RYR2: variants seen among roughly 807,000 people sequenced by gnomAD.
RYR2 encodes the protein ryanodine receptor 2, also known as cardiac muscle ryanodine receptor-calcium release channel.
In RYR2, 227 loss-of-function variants were observed where a neutral mutation model predicts 601.1. The ratio of observed to expected loss-of-function variants is 0.38; its 90% CI spans 0.34 to 0.42. RYR2 has a LOEUF of 0.42. RYR2 is among the 10% of genes least tolerant of loss of function. The probability of loss-of-function intolerance (pLI) is 1.00; values close to 1 mark genes in which losing one functional copy is unlikely to be tolerated. For missense variants in RYR2, 4,646 were observed against 6,156.5 expected, an observed-to-expected ratio of 0.75 and a Z score of 8.21; for synonymous variants, 2,223 against 2,175.1, an observed-to-expected ratio of 1.02 and a Z score of -0.61.
At chr1:237,315,586 A>C (rs933871198) in intron 2 of RYR2, among the ~76,000 whole-genome samples, 2 of 152,216 alleles carry the variant, frequency 1.3e-5, no homozygotes, top group African/African-American at 2.4e-5. Flanking sequence ...AACACATGCA[A>C]CAATGAAGAA....
chr1:237,216,324 A>C (rs576934814), intron 1 of RYR2, among the ~76,000 whole-genome samples: 1 of 152,362 alleles, frequency 6.6e-6, no homozygotes, highest in East Asian at 1.9e-4. Context: ...ATTGAGTTTG[A>C]AAACAAAATT....
Position 237,588,708 on chromosome 1 carries a change from C to T in RYR2, c.3599-1085C>T, listed in dbSNP as rs180869991. On this transcript the variant is annotated intron_variant, in intron 29 of 104. Coordinates refer to ENST00000366574, the MANE Select transcript of RYR2 (RefSeq NM_001035.3). ...ATTAGCCGGACGCAGTGGCGTGCACCTGTAGTCTCAGCTACTCGGGAGGCT... is the reference window on the plus strand; with the variant it reads ...ATTAGCCGGACGCAGTGGCGTGCACTTGTAGTCTCAGCTACTCGGGAGGCT... Among the ~76,000 whole-genome samples, 679 of 152,234 alleles carry T rather than the reference C, an allele frequency of 4.5e-3. 3 individuals are homozygous for T. The highest frequency in any genetic ancestry group is 0.015 in the African/African-American group (611 of 41,538).
intron 1 of RYR2, among the ~76,000 whole-genome samples, chr1:237,253,110 G>A (rs1166492527): frequency 6.7e-6 from 1 of 148,568 alleles, no homozygotes; most frequent in African/African-American, 2.5e-5. Flanking sequence ...ATTGCAGGGA[G>A]CTGAGATCGT....
chr1:237,166,824 CAG>C (rs1359104530), intron 1 of RYR2, among the ~76,000 whole-genome samples: 1 of 152,110 alleles, frequency 6.6e-6, no homozygotes, highest in Non-Finnish European at 1.5e-5. Context: ...ATAAAAACAT[CAG>C]AGTGAATTCA....
chr1:237,613,116 A>G (rs1352694843), intron 36 of RYR2, among the ~76,000 whole-genome samples: 1 of 152,240 alleles, frequency 6.6e-6, no homozygotes, highest in Non-Finnish European at 1.5e-5. Context: ...CAAAAAAGGA[A>G]GTCTTAACTA....
chr1:237,134,986 G>A (rs1346928312), intron 1 of RYR2, among the ~76,000 whole-genome samples: 5 of 152,064 alleles, frequency 3.3e-5, no homozygotes, highest in Admixed American at 1.3e-4. Flanking sequence ...AAATGGACAT[G>A]GAATAGAACC....
At chr1:237,451,611 A>G (rs908483574) in intron 14 of RYR2, among the ~76,000 whole-genome samples, 13 of 151,574 alleles carry the variant, frequency 8.6e-5, no homozygotes, top group African/African-American at 2.4e-4. Flanking sequence ...GAAGTCCTGA[A>G]TTTATATAAT....
chr1:237,769,157 T>A (rs550565714), intron 84 of RYR2, among the ~76,000 whole-genome samples: 392 of 152,172 alleles, frequency 2.6e-3, no homozygotes, highest in African/African-American at 8.3e-3. Flanking sequence ...GAAAAAAAAA[T>A]TGCAGATGGG....
rs74147211 is a variant in RYR2, at chr1:237,249,939, G to A, written c.49-20558G>A. ...AGAGAGAGTCAAAAGCAAGCAATGT[G>A]ATGAGGGTTGTGAAGCGTGGTCCCA... On this transcript the variant is annotated intron_variant, in intron 1 of 104. Transcript: ENST00000366574. Among the ~76,000 whole-genome samples, 529 of 152,280 alleles carry A rather than the reference G, an allele frequency of 3.5e-3. 2 individuals carry two copies. Among genetic ancestry groups the A allele is most frequent in the African/African-American group, 0.012 (505 of 41,562 alleles).
chr1:237,788,358 T>G (rs987363314), intron 92 of RYR2, among the ~76,000 whole-genome samples: 1 of 152,140 alleles, frequency 6.6e-6, no homozygotes, highest in Admixed American at 6.5e-5. Context: ...ATGTTCACAC[T>G]CCCTGAAACC....
At position 237,610,713 on chromosome 1, in the gene RYR2, C is replaced by A; in HGVS notation, c.4684-49C>A. The stretch of plus-strand genomic sequence containing the variant: ...GAATTCTAGTCATTACTTTGTGAAC[C>A]CCAAGGGATGTTCTACATTTATTCT... On this transcript the variant is annotated intron_variant, in intron 35 of 104. Transcript: ENST00000366574. The surrounding 1 kb of genome is among the most constrained non-coding windows in gnomAD (Gnocchi z 4.9). 2 of 1,455,352 alleles carry A rather than the reference C, an allele frequency of 1.4e-6. No individual in the cohort carries two copies. Among genetic ancestry groups the A allele is most frequent in the Non-Finnish European group, 1.9e-6 (2 of 1,067,704 alleles). 90.2% of individuals were successfully genotyped at this position (1,455,352 alleles called of 1,614,324 possible). A position where few individuals can be genotyped will look rare whatever the true frequency, so the allele number is the denominator to read the frequency against.
chr1:237,053,293 A>G (rs1227299980), intron 1 of RYR2, among the ~76,000 whole-genome samples: 1 of 152,236 alleles, frequency 6.6e-6, no homozygotes, highest in Non-Finnish European at 1.5e-5. Flanking sequence ...AAACGTCAGG[A>G]GAACATTTCT....
chr1:237,673,341 T>G (rs1030841993), intron 58 of RYR2, among the ~76,000 whole-genome samples: 3 of 152,158 alleles, frequency 2.0e-5, no homozygotes, highest in Non-Finnish European at 4.4e-5. Flanking sequence ...TTGCAAAATT[T>G]TAACCAAAAT....
chr1:237,480,231 C>T (rs548961641), intron 17 of RYR2, among the ~76,000 whole-genome samples: 2 of 151,932 alleles, frequency 1.3e-5, no homozygotes, highest in East Asian at 1.9e-4. Flanking sequence ...CCGTCCTGGC[C>T]CACATGGTGA....
intron 5 of RYR2, among the ~76,000 whole-genome samples, chr1:237,366,766 T>C (rs1700236918): frequency 6.6e-6 from 1 of 152,236 alleles, no homozygotes; most frequent in South Asian, 2.1e-4. Flanking sequence ...AGGAGCACTT[T>C]CTGGTTAACT....
At chr1:237,248,985 G>A (rs755857498) in intron 1 of RYR2, among the ~76,000 whole-genome samples, 1 of 151,982 alleles carries the variant, frequency 6.6e-6, no homozygotes, top group African/African-American at 2.4e-5. Flanking sequence ...GGCTGGTCTT[G>A]AACTCCCAAT....
intron 91 of RYR2, 94 bp downstream of exon 91, chr1:237,786,130 C>G (rs1028487837): frequency 1.3e-5 from 10 of 788,908 alleles, no homozygotes; most frequent in Non-Finnish European, 1.9e-5. Flanking sequence ...AAGGGAGAAT[C>G]TCATATTGTC....
At chr1:237,299,622 T>A (rs576237727) in intron 2 of RYR2, among the ~76,000 whole-genome samples, 1 of 152,318 alleles carries the variant, frequency 6.6e-6, no homozygotes, top group Admixed American at 6.5e-5. Context: ...TGGATCTAAG[T>A]ATATTATCCC....
chr1:237,168,501 T>C (rs918683988), intron 1 of RYR2, among the ~76,000 whole-genome samples: 12 of 152,172 alleles, frequency 7.9e-5, no homozygotes, highest in African/African-American at 2.7e-4. Context: ...ATTACCAGGT[T>C]GATAGATTTC....
Sources: allele counts gnomAD v4.1 joint callset (sites outside exome capture counted in the v4.1 genomes callset), GRCh38; gene constraint gnomAD v4.1.1; non-coding constraint Gnocchi (gnomAD v3.1); transcripts MANE v1.5; gene names NCBI Gene and HGNC (gene_info 2026-07-23, HGNC 2026-07-21).